Variants in FRMPD1 observed in about 807,000 individuals in gnomAD.
FRMPD1 encodes FERM and PDZ domain-containing protein 1.
FRMPD1 carries 76 observed loss-of-function variants against 117.8 expected under a neutral mutation model. That is an observed-to-expected ratio of 0.65 (90% CI 0.54 to 0.78). FRMPD1 has a LOEUF of 0.78. FRMPD1 is among the 30% of genes least tolerant of loss of function. The pLI is 0.00. For missense variants in FRMPD1, 1,786 were observed against 1,964.5 expected, an observed-to-expected ratio of 0.91 and a Z score of 1.72; for synonymous variants, 783 against 770.4, an observed-to-expected ratio of 1.02 and a Z score of -0.27.
chr9:37,737,938 G>A (rs1470427355), intron 14 of FRMPD1, among the ~76,000 whole-genome samples: 2 of 151,580 alleles, frequency 1.3e-5, no homozygotes, highest in African/African-American at 4.9e-5. Flanking sequence ...GCACTCTTTT[G>A]CAATCTCTTG....
chr9:37,635,388 C>T, the FRMPD1 span, among the ~76,000 whole-genome samples: 1 of 152,188 alleles, frequency 6.6e-6, no homozygotes, highest in African/African-American at 2.4e-5. Flanking sequence ...CCTCATTAGA[C>T]ATTCTGACTC....
chr9:37,655,201 C>T (rs1446799286), intron 1 of FRMPD1, among the ~76,000 whole-genome samples: 1 of 152,204 alleles, frequency 6.6e-6, no homozygotes, highest in African/African-American at 2.4e-5. Flanking sequence ...TTACTGAAAT[C>T]TACTCAGTAA....
intron 1 of FRMPD1, among the ~76,000 whole-genome samples, chr9:37,658,563 C>A (rs921887295): frequency 2.0e-5 from 3 of 152,150 alleles, no homozygotes; most frequent in African/African-American, 7.2e-5. Flanking sequence ...GCTGCTGTCC[C>A]ACTGGAGTCT....
At chr9:37,675,431 A>T (rs1465328716) in intron 1 of FRMPD1, among the ~76,000 whole-genome samples, 1 of 152,032 alleles carries the variant, frequency 6.6e-6, no homozygotes, top group Non-Finnish European at 1.5e-5. Context: ...AAAAAAAAAA[A>T]AAATACAAAT....
intron 1 of FRMPD1, among the ~76,000 whole-genome samples, chr9:37,651,803 G>C (rs1820684385): frequency 6.6e-6 from 1 of 152,254 alleles, no homozygotes; most frequent in African/African-American, 2.4e-5. Flanking sequence ...TATAAAATAG[G>C]GTGGAAGTCG....
chr9:37,688,076 A>T (rs1156433898), intron 1 of FRMPD1, among the ~76,000 whole-genome samples: 1 of 152,108 alleles, frequency 6.6e-6, no homozygotes, highest in Non-Finnish European at 1.5e-5. Context: ...GGATGCTTGA[A>T]GTAGGATGCT....
chr9:37,670,428 A>C (rs1821311881), intron 1 of FRMPD1, among the ~76,000 whole-genome samples: 1 of 152,230 alleles, frequency 6.6e-6, no homozygotes, highest in South Asian at 2.1e-4. Flanking sequence ...TGAAGACAGC[A>C]GCATTTAGAC....
the FRMPD1 span, among the ~76,000 whole-genome samples, chr9:37,610,839 T>A: frequency 6.6e-6 from 1 of 152,134 alleles, no homozygotes; most frequent in African/African-American, 2.4e-5. Context: ...CAACCTCAGG[T>A]GATCTGCCCG....
At chr9:37,636,712 C>T in the FRMPD1 span, 1 of 1,574,600 alleles carries the variant, frequency 6.4e-7, no homozygotes, top group Non-Finnish European at 8.6e-7. Flanking sequence ...CGCCAGCCGG[C>T]TTTACAGGGG....
intron 2 of FRMPD1, among the ~76,000 whole-genome samples, chr9:37,702,745 G>A (rs1038815591): frequency 6.6e-6 from 1 of 152,136 alleles, no homozygotes; most frequent in African/African-American, 2.4e-5. Context: ...ATTAGGAGGA[G>A]AATAATTCTA....
At chr9:37,606,638 A>C in the FRMPD1 span, among the ~76,000 whole-genome samples, 1 of 152,234 alleles carries the variant, frequency 6.6e-6, no homozygotes. Flanking sequence ...TTGGCTGGAA[A>C]TATAAAACTA....
rs3747540 is a variant in FRMPD1 at position 37,692,736 on chromosome 9, C to T, written c.95C>T (p.Ser32Leu). ...TGGCTTCGGCGCTCCCGGGACAGCT[C>T]GGCCCGGTAAGCCTCCTGAGTTTGC... ...ARWLRRSRDS[S>L]ARAKVAAADG... Residue 32 changes from serine (S) to leucine (L), a missense_variant, in exon 2 of 16, where the codon TCG becomes TTG. By Grantham distance (145) the Ser-to-Leu change is moderately radical (BLOSUM62 -2). Coordinates refer to ENST00000377765, the MANE Select transcript of FRMPD1 (RefSeq NM_014907.3). 130 of 1,610,374 alleles carry T rather than the reference C, an allele frequency of 8.1e-5. No individual in the cohort carries two copies. Among genetic ancestry groups the T allele is most frequent in the East Asian group, 1.1e-4 (5 of 44,882 alleles).
intron 1 of FRMPD1, among the ~76,000 whole-genome samples, chr9:37,659,630 A>G (rs1283051735): frequency 6.6e-6 from 1 of 152,192 alleles, no homozygotes; most frequent in Non-Finnish European, 1.5e-5. Context: ...ACATTTTCCC[A>G]CTAATTTAGA....
At chr9:37,704,954 C>T (rs1822651699) in intron 2 of FRMPD1, among the ~76,000 whole-genome samples, 1 of 151,928 alleles carries the variant, frequency 6.6e-6, no homozygotes, top group South Asian at 2.1e-4. Context: ...CCTTCTTCCC[C>T]TGAATTACAT....
intron 1 of FRMPD1, among the ~76,000 whole-genome samples, chr9:37,689,583 C>T (rs1822063451): frequency 6.6e-6 from 1 of 152,158 alleles, no homozygotes. Flanking sequence ...CATGCCTTCA[C>T]AGTCATCCGT....
the FRMPD1 span, among the ~76,000 whole-genome samples, chr9:37,636,227 C>T: frequency 6.6e-6 from 1 of 152,164 alleles, no homozygotes; most frequent in African/African-American, 2.4e-5. Flanking sequence ...CAGCCCAGGG[C>T]CCTGGATCCC....
the FRMPD1 span, chr9:37,637,189 C>T: frequency 1.2e-6 from 2 of 1,610,164 alleles, no homozygotes; most frequent in Non-Finnish European, 1.7e-6. Flanking sequence ...TGATGTAGCT[C>T]TCTGTGTAAG....
intron 1 of FRMPD1, among the ~76,000 whole-genome samples, chr9:37,656,043 C>T (rs1214024193): frequency 1.3e-5 from 2 of 152,138 alleles, no homozygotes; most frequent in African/African-American, 2.4e-5. Context: ...ATTTTGTGTG[C>T]GGTCACTTGT....
At chr9:37,660,005 A>T (rs112086792) in intron 1 of FRMPD1, among the ~76,000 whole-genome samples, 31 of 143,118 alleles carry the variant, frequency 2.2e-4, no homozygotes, top group African/African-American at 7.9e-4. Context: ...AAGCAGGGGG[A>T]GGGTAGTGGC....
Sources: allele counts gnomAD v4.1 joint callset (sites outside exome capture counted in the v4.1 genomes callset), GRCh38; gene constraint gnomAD v4.1.1; transcripts MANE v1.5; gene names NCBI Gene and HGNC (gene_info 2026-07-23, HGNC 2026-07-21).